Variants in FAM13B observed in about 807,000 individuals in gnomAD.
The protein encoded by FAM13B is protein FAM13B.
A neutral mutation model predicts 117.3 loss-of-function variants in FAM13B; 60 were observed. The observed-to-expected ratio is 0.51, with a 90% confidence interval of 0.42 to 0.63. The LOEUF is 0.63. Among genes scored for constraint, FAM13B ranks in the 30% least tolerant of loss-of-function variants. The pLI is 0.00. For synonymous variants in FAM13B, 332 were observed against 356.1 expected (o/e 0.93, Z 0.76); for missense variants, 972 against 1,091.9 (o/e 0.89, Z 1.55).
chr5:138,023,894 C>T (rs4835751), intron 1 of FAM13B, among the ~76,000 whole-genome samples: 149,378 of 152,342 alleles, frequency 0.98, 73,305 homozygotes, highest in Middle Eastern at 1. Flanking sequence ...TCATCACTTA[C>T]TTCTAGCTTG....
intron 7 of FAM13B, among the ~76,000 whole-genome samples, chr5:138,001,734 T>C (rs1781312819): frequency 6.6e-6 from 1 of 152,052 alleles, no homozygotes; most frequent in Non-Finnish European, 1.5e-5. Flanking sequence ...GAATGGAGGA[T>C]GAGGAGGTTA....
chr5:137,992,135 C>A (rs1452293402), intron 7 of FAM13B, among the ~76,000 whole-genome samples: 1 of 151,926 alleles, frequency 6.6e-6, no homozygotes, highest in Non-Finnish European at 1.5e-5. Flanking sequence ...TGGTCTCAAA[C>A]TCCAGAGCTC....
chr5:138,025,318 T>C lies in FAM13B; in HGVS notation c.-202-4121A>G, dbSNP rs1279412279. ...ATATATATATATATATATGTATTTTTTTTTTTTTTTTTTTTGAGTTGAGGT... is the reference window on the plus strand; with the variant it reads ...ATATATATATATATATATGTATTTTCTTTTTTTTTTTTTTTGAGTTGAGGT... On this transcript the variant is annotated intron_variant, in intron 1 of 23. Coordinates refer to ENST00000689681, the MANE Select transcript of FAM13B (RefSeq NM_001385994.1). Among the ~76,000 whole-genome samples, 9 of 127,166 alleles carry C rather than the reference T, an allele frequency of 7.1e-5. 1 individual carries two copies. The highest frequency in any genetic ancestry group is 2.5e-4 in the Admixed American group (3 of 12,026). The allele number at this position is 127,166 out of a possible 152,430, so 83.4% of individuals were successfully genotyped here.
intron 10 of FAM13B, 70 bp from the exon 11 acceptor site, chr5:137,962,539 A>G: frequency 7.2e-7 from 1 of 1,391,128 alleles, no homozygotes; most frequent in Non-Finnish European, 1.0e-6. Flanking sequence ...TGCCAATCTA[A>G]ATTAGGATAT....
intron 4 of FAM13B, among the ~76,000 whole-genome samples, chr5:138,016,204 T>C (rs576224863): frequency 4.3e-4 from 65 of 152,296 alleles, no homozygotes; most frequent in African/African-American, 1.5e-3. Flanking sequence ...AATGCGCAAT[T>C]TTTGAAAGAA....
intron 6 of FAM13B, among the ~76,000 whole-genome samples, chr5:138,009,488 C>CA (rs535811789): frequency 0.015 from 1,982 of 128,724 alleles, 32 homozygotes; most frequent in South Asian, 0.094. Context: ...AAACACTGGC[C>CA]AAAAAAAAAA....
chr5:138,045,296 G>A (rs1791610223), intron 1 of FAM13B, among the ~76,000 whole-genome samples: 1 of 152,162 alleles, frequency 6.6e-6, no homozygotes, highest in Admixed American at 6.5e-5. Flanking sequence ...CCCTTTGGGA[G>A]GCTGAGGCAG....
chr5:137,976,501 A>G (rs1221097664), intron 10 of FAM13B, among the ~76,000 whole-genome samples: 1 of 152,220 alleles, frequency 6.6e-6, no homozygotes, highest in African/African-American at 2.4e-5. Context: ...ACATATGAAG[A>G]AAAGTAAAAT....
At chr5:138,039,531 G>T (rs551691693) in intron 1 of FAM13B, 1 of 152,012 alleles carries the variant, frequency 6.6e-6, no homozygotes, top group African/African-American at 2.4e-5. Flanking sequence ...AGTATCCCAG[G>T]CTCAAGCAAT....
intron 7 of FAM13B, among the ~76,000 whole-genome samples, chr5:137,995,575 G>A (rs1275757006): frequency 6.6e-6 from 1 of 152,042 alleles, no homozygotes; most frequent in Non-Finnish European, 1.5e-5. Flanking sequence ...AAAAAACTAT[G>A]GTTTTGAAAA....
intron 1 of FAM13B, among the ~76,000 whole-genome samples, chr5:138,050,045 A>G (rs1791754186): frequency 6.6e-6 from 1 of 152,078 alleles, no homozygotes; most frequent in Non-Finnish European, 1.5e-5. Flanking sequence ...GGCTTAGGTG[A>G]GGGGATCGCT....
intron 10 of FAM13B, among the ~76,000 whole-genome samples, chr5:137,966,456 ATT>A (rs1237338874): frequency 2.0e-5 from 2 of 100,982 alleles, no homozygotes; most frequent in African/African-American, 4.0e-5. Context: ...AAAGAAATAG[ATT>A]TTATATATAT....
chr5:137,978,419 C>G (rs1433037139), intron 10 of FAM13B, among the ~76,000 whole-genome samples: 3 of 151,964 alleles, frequency 2.0e-5, no homozygotes, highest in African/African-American at 7.3e-5. Context: ...CTGTATAAGA[C>G]CACTTACCTT....
intron 7 of FAM13B, among the ~76,000 whole-genome samples, chr5:137,993,679 C>T (rs951077348): frequency 6.6e-6 from 1 of 151,520 alleles, no homozygotes; most frequent in Non-Finnish European, 1.5e-5. Flanking sequence ...TCCAGTTACT[C>T]GGGAGGCTGA....
At chr5:137,960,245 T>A (rs1399730113) in intron 11 of FAM13B, 31 bp from the exon 12 acceptor site, 7 of 1,315,100 alleles carry the variant, frequency 5.3e-6, no homozygotes, top group Non-Finnish European at 7.5e-6. Flanking sequence ...GTTAGTATAT[T>A]AAGAATAAAA....
At chr5:138,023,727 C>T (rs993858190) in intron 1 of FAM13B, among the ~76,000 whole-genome samples, 2 of 152,266 alleles carry the variant, frequency 1.3e-5, no homozygotes, top group South Asian at 2.1e-4. Context: ...GGCCACCACA[C>T]CCGGCTAATT....
At chr5:138,027,970 T>C (rs1788892305) in intron 1 of FAM13B, among the ~76,000 whole-genome samples, 1 of 152,244 alleles carries the variant, frequency 6.6e-6, no homozygotes, top group Admixed American at 6.5e-5. Flanking sequence ...TCCCCAGCCA[T>C]GTAGAACTGT....
intron 1 of FAM13B, chr5:138,051,857 G>A (rs1420474376): frequency 6.6e-6 from 1 of 152,056 alleles, no homozygotes; most frequent in Non-Finnish European, 1.5e-5. Flanking sequence ...AATGTGGTAG[G>A]ACCAAAGGAA....
chr5:138,009,184 A>G (rs962569388), intron 6 of FAM13B, among the ~76,000 whole-genome samples: 29 of 152,198 alleles, frequency 1.9e-4, no homozygotes, highest in Admixed American at 2.0e-4. Flanking sequence ...GTGAACCATT[A>G]AGTTCACATG....
Sources: allele counts gnomAD v4.1 joint callset (sites outside exome capture counted in the v4.1 genomes callset), GRCh38; gene constraint gnomAD v4.1.1; transcripts MANE v1.5; gene names NCBI Gene and HGNC (gene_info 2026-07-23, HGNC 2026-07-21).